C16orf74: variants seen among roughly 807,000 people sequenced by gnomAD.
C16orf74 encodes uncharacterized protein C16orf74.
C16orf74 carries 10 observed loss-of-function variants against 6.5 expected under a neutral mutation model. The observed-to-expected ratio is 1.54, with a 90% CI of 0.95 to 2.61. The LOEUF is 2.61. Ranked by LOEUF, C16orf74 falls within the 30% of genes most tolerant of loss-of-function variation. C16orf74 has a pLI of 0.00. For missense variants in C16orf74, 141 were observed against 105.9 expected (o/e 1.33, Z -1.45); for synonymous variants, 60 against 42.5 (o/e 1.41, Z -1.60).
chr16:85,709,828 G>A (rs2053949904), intron 3 of C16orf74, among the ~76,000 whole-genome samples: 1 of 152,266 alleles, frequency 6.6e-6, no homozygotes, highest in Non-Finnish European at 1.5e-5. Flanking sequence ...AGATGGAGCA[G>A]CGGTCCTCCC....
intron 1 of C16orf74, among the ~76,000 whole-genome samples, chr16:85,749,546 G>A (rs1181093891): frequency 6.6e-6 from 1 of 152,164 alleles, no homozygotes; most frequent in Non-Finnish European, 1.5e-5. Context: ...GCATCCCAAA[G>A]TATTGCAGCC....
At chr16:85,733,802 G>C (rs1378955603) in intron 2 of C16orf74, among the ~76,000 whole-genome samples, 1 of 152,064 alleles carries the variant, frequency 6.6e-6, no homozygotes, top group African/African-American at 2.4e-5. Flanking sequence ...GACGTGGGCT[G>C]TTTGTGTCTG....
At chr16:85,744,178 T>C (rs1183417651) in intron 1 of C16orf74, 3 of 135,148 alleles carry the variant, frequency 2.2e-5, no homozygotes, top group East Asian at 4.3e-4. Flanking sequence ...TGAGCCGAGA[T>C]TGCGCCATTG....
At chr16:85,743,466 C>A (rs903924240) in intron 1 of C16orf74, 1 of 152,134 alleles carries the variant, frequency 6.6e-6, no homozygotes, top group Non-Finnish European at 1.5e-5. Context: ...AGCTGTCCAG[C>A]GACTCCCAGC....
chr16:85,710,583 G>A (rs1351045686), intron 2 of C16orf74: 3 of 405,472 alleles, frequency 7.4e-6, no homozygotes, highest in African/African-American at 4.2e-5. Context: ...CCAGTTGTCA[G>A]CCTTTACCAT....
rs143058507 is a variant in C16orf74 at position 85,747,215 on chromosome 16, A to G, written c.-19+3711T>C. Among the ~76,000 whole-genome samples the G allele has an allele frequency of 1.4e-3, 208 of 152,302 alleles. 2 individuals are homozygous for G. The highest frequency in any genetic ancestry group is 4.9e-3 in the African/African-American group (203 of 41,566). On this transcript the variant is annotated intron_variant, in intron 1 of 3. Transcript: ENST00000284245. ...AGCACCTTTCTGTACATTATACATC[A>G]ATAAAAACATTTATCAAAAAATAAG...
rs1363387960 is a variant in C16orf74 at position 85,736,945 on chromosome 16, G to A, written c.-18-1710C>T. On this transcript the variant is annotated intron_variant, in intron 1 of 3. Coordinates refer to ENST00000284245, the MANE Select transcript of C16orf74 (RefSeq NM_206967.3). The stretch of plus-strand genomic sequence containing the variant: ...TGTAATACCGGCTACTCAGGAGGCT[G>A]AGGCAGGAGAATCACTTGAACCCGT... Among the ~76,000 whole-genome samples the A allele has an allele frequency of 2.6e-5, 4 of 152,178 alleles. No homozygotes were observed. In the East Asian group the frequency reaches 7.7e-4, roughly 29 times the overall value.
chr16:85,710,024 T>C, intron 3 of C16orf74, 140 bp downstream of exon 3: 1 of 666,948 alleles, frequency 1.5e-6, no homozygotes, highest in Non-Finnish European at 2.3e-6. Context: ...TGTACACAGG[T>C]CTGACCATAA....
At chr16:85,730,941 A>G (rs903867087) in intron 2 of C16orf74, among the ~76,000 whole-genome samples, 1 of 151,892 alleles carries the variant, frequency 6.6e-6, no homozygotes, top group African/African-American at 2.4e-5. Context: ...GACCCCACTC[A>G]TTAAAATGAT....
intron 3 of C16orf74, 42 bp downstream of exon 3, chr16:85,710,122 C>T: frequency 2.2e-6 from 3 of 1,371,740 alleles, no homozygotes; most frequent in Non-Finnish European, 1.9e-6. Context: ...CCACCGGGCC[C>T]CCACAGCCGA....
intron 1 of C16orf74, among the ~76,000 whole-genome samples, chr16:85,742,870 C>A (rs1014762349): frequency 3.3e-5 from 5 of 152,184 alleles, no homozygotes; most frequent in African/African-American, 1.2e-4. Flanking sequence ...AATTATCCAG[C>A]CTTGGGTATT....
chr16:85,743,044 C>T (rs2054327705), intron 1 of C16orf74, among the ~76,000 whole-genome samples: 1 of 152,176 alleles, frequency 6.6e-6, no homozygotes, highest in African/African-American at 2.4e-5. Flanking sequence ...CTACGTGGCC[C>T]CAATTCCACA....
At chr16:85,716,798 A>T (rs1475295314) in intron 2 of C16orf74, among the ~76,000 whole-genome samples, 1 of 152,120 alleles carries the variant, frequency 6.6e-6, no homozygotes, top group Non-Finnish European at 1.5e-5. Context: ...AGAGGTGGCC[A>T]AACAGGAGGG....
At chr16:85,719,487 C>T (rs1160666467) in intron 2 of C16orf74, among the ~76,000 whole-genome samples, 1 of 152,102 alleles carries the variant, frequency 6.6e-6, no homozygotes, top group Non-Finnish European at 1.5e-5. Context: ...GTTTGATCCT[C>T]CCAGTGAGGC....
intron 2 of C16orf74, among the ~76,000 whole-genome samples, chr16:85,722,876 T>C (rs543649145): frequency 2.0e-4 from 30 of 152,330 alleles, no homozygotes; most frequent in Middle Eastern, 3.4e-3. Flanking sequence ...TCACAGGACT[T>C]GGCTCCTGAA....
chr16:85,711,663 AC>A (rs2152057719), intron 2 of C16orf74, among the ~76,000 whole-genome samples: 1 of 151,312 alleles, frequency 6.6e-6, no homozygotes, highest in African/African-American at 2.4e-5. Flanking sequence ...GCAACCAAAA[AC>A]CCTTCAGGCA....
chr16:85,746,861 C>T (rs908734129), intron 1 of C16orf74, among the ~76,000 whole-genome samples: 1 of 152,186 alleles, frequency 6.6e-6, no homozygotes, highest in African/African-American at 2.4e-5. Flanking sequence ...CTTTCTGCAG[C>T]AGGATTAGAA....
At chr16:85,740,007 C>A (rs2054285798) in intron 1 of C16orf74, among the ~76,000 whole-genome samples, 1 of 149,248 alleles carries the variant, frequency 6.7e-6, no homozygotes, top group African/African-American at 2.5e-5. Flanking sequence ...GTCAGGAGTT[C>A]GAGACCAGCC....
At chr16:85,718,361 CG>C (rs1313332991) in intron 2 of C16orf74, among the ~76,000 whole-genome samples, 17 of 152,224 alleles carry the variant, frequency 1.1e-4, no homozygotes, top group Non-Finnish European at 2.4e-4. Context: ...CCACCCCATA[CG>C]GCCTGATTCT....
Sources: gnomAD v4.1 joint callset for allele counts (sites outside exome capture counted in the v4.1 genomes callset) on GRCh38, gnomAD v4.1.1 for gene constraint, MANE v1.5 for transcripts, NCBI Gene and HGNC (gene_info 2026-07-23, HGNC 2026-07-21) for gene names.